MAML1: variants seen among roughly 807,000 people sequenced by gnomAD.
MAML1 encodes mastermind like transcriptional coactivator 1, also known as mastermind-like protein 1.
Under a neutral mutation model 77.1 loss-of-function variants are expected in MAML1, and 14 were observed. That is an observed-to-expected ratio of 0.18 (90% CI 0.12 to 0.28). The LOEUF is 0.28. Ranked by LOEUF, MAML1 falls within the 10% of genes least tolerant of loss-of-function variation. The probability of loss-of-function intolerance (pLI) is 1.00; values close to 1 mark genes in which losing one functional copy is unlikely to be tolerated. For synonymous variants in MAML1, 516 were observed against 551.9 expected (o/e 0.93, Z 0.91); for missense variants, 1,217 against 1,327.8 (o/e 0.92, Z 1.30).
intron 1 of MAML1, among the ~76,000 whole-genome samples, chr5:179,748,854 AAT>A (rs67820281): frequency 0.22 from 33,989 of 152,102 alleles, 4,435 homozygotes; most frequent in Non-Finnish European, 0.3. Flanking sequence ...GAATTGGAAC[AAT>A]GTCTTCAAAA....
intron 1 of MAML1, among the ~76,000 whole-genome samples, chr5:179,752,779 A>G (rs1383247672): frequency 6.8e-6 from 1 of 146,536 alleles, no homozygotes; most frequent in East Asian, 2.0e-4. Flanking sequence ...CATTTATTTT[A>G]TTTTATTTTT....
intron 1 of MAML1, among the ~76,000 whole-genome samples, chr5:179,747,654 C>G (rs1194626751): frequency 6.6e-6 from 1 of 151,442 alleles, no homozygotes; most frequent in Non-Finnish European, 1.5e-5. Flanking sequence ...ACTAAAAATA[C>G]AAAAAATTAG....
At chr5:179,743,772 C>G (rs891087392) in intron 1 of MAML1, among the ~76,000 whole-genome samples, 3 of 151,960 alleles carry the variant, frequency 2.0e-5, no homozygotes, top group African/African-American at 7.3e-5. Flanking sequence ...AACTAAGTTA[C>G]CATAATTCAA....
chr5:179,770,563 G>A (rs945865718), intron 3 of MAML1, among the ~76,000 whole-genome samples: 1 of 152,180 alleles, frequency 6.6e-6, no homozygotes, highest in African/African-American at 2.4e-5. Flanking sequence ...GTATGGACAT[G>A]TTACATTTTA....
At chr5:179,746,052 C>A (rs1215297791) in intron 1 of MAML1, among the ~76,000 whole-genome samples, 3 of 145,916 alleles carry the variant, frequency 2.1e-5, no homozygotes, top group Admixed American at 6.9e-5. Flanking sequence ...AAAACAAAAC[C>A]AAAAAAAATG....
At position 179,769,201 on chromosome 5, in the gene MAML1, C is replaced by A; in HGVS notation, c.1971+112C>A. 1 of 1,451,028 alleles carries A rather than the reference C, an allele frequency of 6.9e-7. No individual in the cohort carries two copies. Among genetic ancestry groups the A allele is most frequent in the Non-Finnish European group, 9.4e-7 (1 of 1,065,436 alleles). 89.9% of individuals were successfully genotyped at this position (1,451,028 alleles called of 1,614,324 possible). On this transcript the variant is annotated intron_variant, in intron 3 of 4. Coordinates refer to ENST00000292599, the MANE Select transcript of MAML1 (RefSeq NM_014757.5). The surrounding 1 kb of genome is among the most constrained non-coding windows in gnomAD (Gnocchi z 4.2). ...GTGTGGATTTGCGCAGACTTGCGTG[C>A]CTGTTGTTAGAGTGCTTTGCCTTTT...
intron 1 of MAML1, among the ~76,000 whole-genome samples, chr5:179,742,874 C>T (rs1047344330): frequency 3.9e-5 from 6 of 152,070 alleles, no homozygotes; most frequent in Non-Finnish European, 8.8e-5. Context: ...GAGCTCTTAT[C>T]AGGTGGTATT....
At chr5:179,760,380 C>T (rs943344757) in intron 1 of MAML1, among the ~76,000 whole-genome samples, 1 of 151,980 alleles carries the variant, frequency 6.6e-6, no homozygotes, top group Non-Finnish European at 1.5e-5. Context: ...GAGTCATCCC[C>T]AGAAAAGTTA....
chr5:179,745,996 T>A (rs1779372793), intron 1 of MAML1, among the ~76,000 whole-genome samples: 1 of 147,850 alleles, frequency 6.8e-6, no homozygotes, highest in Admixed American at 6.8e-5. Context: ...ATAGCGCCAT[T>A]CCATTCCAGC....
Position 179,774,676 on chromosome 5 carries a change from C to T in MAML1, c.2850C>T (p.Gly950=), listed in dbSNP as rs754008948. 142 of 1,609,590 alleles carry T rather than the reference C, an allele frequency of 8.8e-5. No homozygotes were observed. The highest frequency in any genetic ancestry group is 1.1e-4 in the Non-Finnish European group (132 of 1,179,400). Residue 950 remains glycine (G), a synonymous_variant, in exon 5 of 5, where the codon GGC becomes GGT. Coordinates refer to ENST00000292599, the MANE Select transcript of MAML1 (RefSeq NM_014757.5). ...GCCAGAGCCCTGCCTCACAGATGGG[C>T]GGTCGGGCGGGGCTGCACTGCACCC... ...AFSQSPASQM[G]GRAGLHCTQA...
chr5:179,759,196 G>A (rs6865507), intron 1 of MAML1, among the ~76,000 whole-genome samples: 7,135 of 152,188 alleles, frequency 0.047, 240 homozygotes, highest in African/African-American at 0.086. Flanking sequence ...CATCACTCTC[G>A]GAAGTGGGAT....
In MAML1 at chr5:179,733,216, G is replaced by A. The variant is rs1383451194; in HGVS notation, c.104G>A (p.Ser35Asn). ...ATCGAGCTGTGCCGGCGCCACCACA[G>A]CACCTGCGAGGCCCGCTACGAGGCC... Reference protein sequence around the residue: ...RRIELCRRHHSTCEARYEAVS... With the variant: ...RRIELCRRHHNTCEARYEAVS... Residue 35 changes from serine (S) to asparagine (N), a missense_variant, in exon 1 of 5, where the codon AGC becomes AAC. Ser to Asn is a conservative substitution (Grantham distance 46, BLOSUM62 1). Transcript: ENST00000292599. 24 of 1,479,118 alleles carry A rather than the reference G, an allele frequency of 1.6e-5. No homozygotes were observed. Among genetic ancestry groups the A allele is most frequent in the Non-Finnish European group, 2.1e-5 (23 of 1,118,514 alleles). 91.6% of individuals were successfully genotyped at this position (1,479,118 alleles called of 1,614,324 possible). A position where few individuals can be genotyped will look rare whatever the true frequency, so the allele number is the denominator to read the frequency against.
At position 179,747,637 on chromosome 5, in the gene MAML1, C is replaced by T. The variant is rs577344056; in HGVS notation, c.315+14210C>T. On this transcript the variant is annotated intron_variant, in intron 1 of 4. Coordinates refer to ENST00000292599, the MANE Select transcript of MAML1 (RefSeq NM_014757.5). ...CATCTTGGCTAACACGGTGAAACCC[C>T]GTCTCTACTAAAAATACAAAAAATT... Among the ~76,000 whole-genome samples the T allele has an allele frequency of 6.3e-4, 95 of 151,814 alleles. 1 individual carries two copies. The highest frequency in any genetic ancestry group is 2.1e-3 in the African/African-American group (88 of 41,448).
At chr5:179,742,769 G>GT (rs1272191643) in intron 1 of MAML1, among the ~76,000 whole-genome samples, 1 of 152,138 alleles carries the variant, frequency 6.6e-6, no homozygotes, top group East Asian at 1.9e-4. Context: ...AGCTGAAATT[G>GT]TACCACTGCA....
chr5:179,752,041 A>AT (rs1238474429), intron 1 of MAML1, among the ~76,000 whole-genome samples: 1 of 151,438 alleles, frequency 6.6e-6, no homozygotes, highest in East Asian at 1.9e-4. Context: ...TAAAAAGATA[A>AT]TATAGGCCCA....
At position 179,775,237 on chromosome 5, in the gene MAML1, C is replaced by T. The variant is rs900864434; in HGVS notation, c.*360C>T. ...TCTGTGCCATCATGGTGATTTTATC[C>T]AAGACTGCTCCACTTACCCCAGTGC... On this transcript the variant is annotated 3_prime_UTR_variant, in exon 5 of 5. Coordinates refer to ENST00000292599, the MANE Select transcript of MAML1 (RefSeq NM_014757.5). 1 of 1,025,772 alleles carries T rather than the reference C, an allele frequency of 9.7e-7. No homozygotes were observed. Among genetic ancestry groups the T allele is most frequent in the African/African-American group, 1.7e-5 (1 of 58,794 alleles). 63.5% of individuals were successfully genotyped at this position (1,025,772 alleles called of 1,614,324 possible). A position where few individuals can be genotyped will look rare whatever the true frequency, so the allele number is the denominator to read the frequency against.
intron 1 of MAML1, among the ~76,000 whole-genome samples, chr5:179,756,346 A>G (rs1447943815): frequency 6.6e-6 from 1 of 150,852 alleles, no homozygotes; most frequent in Admixed American, 6.6e-5. Flanking sequence ...AGTGGCGTCA[A>G]CCTGGGAGGC....
chr5:179,768,115 T>A (rs1270529632), intron 2 of MAML1, among the ~76,000 whole-genome samples: 2 of 152,256 alleles, frequency 1.3e-5, no homozygotes, highest in Non-Finnish European at 2.9e-5. Context: ...CCAAGGTTTA[T>A]GCACATGGGA....
intron 1 of MAML1, among the ~76,000 whole-genome samples, chr5:179,746,954 G>T (rs1309653359): frequency 6.6e-6 from 1 of 152,114 alleles, no homozygotes; most frequent in African/African-American, 2.4e-5. Context: ...TTCTTTCTTT[G>T]TTATTTCCCA....
Sources: allele counts gnomAD v4.1 joint callset (sites outside exome capture counted in the v4.1 genomes callset), GRCh38; gene constraint gnomAD v4.1.1; non-coding constraint Gnocchi (gnomAD v3.1); transcripts MANE v1.5; gene names NCBI Gene and HGNC (gene_info 2026-07-23, HGNC 2026-07-21).